Variants in ITFG1 observed in about 807,000 individuals in gnomAD.
ITFG1 encodes T-cell immunomodulatory protein.
A neutral mutation model predicts 81.8 loss-of-function variants in ITFG1; 34 were observed. The observed-to-expected ratio is 0.42, with a 90% CI of 0.32 to 0.55. ITFG1 has a LOEUF of 0.55. Among genes scored for constraint, ITFG1 ranks in the 20% least tolerant of loss-of-function variants. ITFG1 has a pLI of 0.17. For synonymous variants in ITFG1, 285 were observed against 270.6 expected (o/e 1.05, Z -0.52); for missense variants, 672 against 755.4 (o/e 0.89, Z 1.29).
intron 10 of ITFG1, among the ~76,000 whole-genome samples, chr16:47,299,294 G>C (rs1021538383): frequency 6.6e-6 from 1 of 152,210 alleles, no homozygotes; most frequent in Non-Finnish European, 1.5e-5. Context: ...GTGCAGGTGA[G>C]AGCCAGCTGC....
chr16:47,426,271 A>G (rs1274593905), intron 6 of ITFG1: 1 of 152,070 alleles, frequency 6.6e-6, no homozygotes, highest in Non-Finnish European at 1.5e-5. Context: ...CTTAAATGCA[A>G]AGTCAGTATT....
At chr16:47,382,524 C>A (rs148874996) in intron 6 of ITFG1, among the ~76,000 whole-genome samples, 124 of 152,144 alleles carry the variant, frequency 8.2e-4, no homozygotes, top group Middle Eastern at 6.8e-3. Flanking sequence ...CGGTACACAA[C>A]AAGTTACAGA....
intron 8 of ITFG1, among the ~76,000 whole-genome samples, chr16:47,316,888 A>G (rs1416861052): frequency 6.6e-6 from 1 of 152,214 alleles, no homozygotes; most frequent in Non-Finnish European, 1.5e-5. Flanking sequence ...GGGCATGCTG[A>G]TGGAGATGCT....
At chr16:47,416,100 CA>C (rs1303400211) in intron 6 of ITFG1, among the ~76,000 whole-genome samples, 11 of 151,868 alleles carry the variant, frequency 7.2e-5, no homozygotes, top group South Asian at 2.1e-4. Context: ...GTCTCAAAAA[CA>C]AAACAAAACA....
chr16:47,426,826 A>C (rs1301200744), intron 6 of ITFG1, among the ~76,000 whole-genome samples: 1 of 152,138 alleles, frequency 6.6e-6, no homozygotes, highest in East Asian at 1.9e-4. Context: ...TCTCAATGAA[A>C]ATTAGGTTTT....
At chr16:47,427,332 G>C (rs141182865) in intron 6 of ITFG1, among the ~76,000 whole-genome samples, 2 of 152,190 alleles carry the variant, frequency 1.3e-5, no homozygotes, top group African/African-American at 4.8e-5. Context: ...AAATATTCTT[G>C]ATATTCCCAC....
At chr16:47,263,051 T>G in intron 10 of ITFG1, 1 of 220,818 alleles carries the variant, frequency 4.5e-6, no homozygotes. Context: ...AGAATGGCTG[T>G]TGGCTCGGCA....
chr16:47,240,458 A>T (rs1965920949), intron 12 of ITFG1, among the ~76,000 whole-genome samples: 1 of 152,336 alleles, frequency 6.6e-6, no homozygotes, highest in South Asian at 2.1e-4. Flanking sequence ...ATAAAAAGAC[A>T]ACCCAGATGA....
At chr16:47,351,299 C>T (rs183381976) in intron 8 of ITFG1, among the ~76,000 whole-genome samples, 30 of 152,184 alleles carry the variant, frequency 2.0e-4, no homozygotes, top group East Asian at 1.4e-3. Context: ...CATGATTGTA[C>T]ATCTAGAAAA....
chr16:47,346,121 G>A (rs902252749), intron 8 of ITFG1, among the ~76,000 whole-genome samples: 3 of 152,152 alleles, frequency 2.0e-5, no homozygotes, highest in Admixed American at 6.5e-5. Context: ...AGTTGGTTTC[G>A]ATATCAGAGT....
At chr16:47,454,858 G>A (rs1969432577) in intron 2 of ITFG1, among the ~76,000 whole-genome samples, 1 of 152,032 alleles carries the variant, frequency 6.6e-6, no homozygotes, top group Admixed American at 6.5e-5. Flanking sequence ...GCAAAAATTA[G>A]GCCTTTAATT....
At chr16:47,345,333 C>T (rs1375943292) in intron 8 of ITFG1, among the ~76,000 whole-genome samples, 1 of 151,394 alleles carries the variant, frequency 6.6e-6, no homozygotes, top group Non-Finnish European at 1.5e-5. Context: ...CAGAGTCTCA[C>T]TCTGTCGCCC....
chr16:47,307,849 A>AT (rs2151562905), intron 10 of ITFG1, among the ~76,000 whole-genome samples: 1 of 152,136 alleles, frequency 6.6e-6, no homozygotes, highest in East Asian at 1.9e-4. Flanking sequence ...TTTTATGTCC[A>AT]TGAGTATGCA....
At chr16:47,396,329 G>C in intron 6 of ITFG1, 1 of 160,166 alleles carries the variant, frequency 6.2e-6, no homozygotes, top group Non-Finnish European at 1.3e-5. Flanking sequence ...GGGAGGGGAG[G>C]AGAAGAGCAG....
chr16:47,176,872 T>A (rs1464543745), intron 14 of ITFG1, among the ~76,000 whole-genome samples: 1 of 152,118 alleles, frequency 6.6e-6, no homozygotes, highest in Non-Finnish European at 1.5e-5. Context: ...AATTAACAAT[T>A]AAAAAATACA....
At chr16:47,194,211 C>T (rs1296579802) in intron 14 of ITFG1, among the ~76,000 whole-genome samples, 1 of 152,174 alleles carries the variant, frequency 6.6e-6, no homozygotes, top group Non-Finnish European at 1.5e-5. Context: ...CAAAGTGTTA[C>T]CTGATCAATT....
intron 14 of ITFG1, among the ~76,000 whole-genome samples, chr16:47,195,759 C>A (rs1302879322): frequency 1.3e-5 from 2 of 151,912 alleles, no homozygotes; most frequent in Admixed American, 6.6e-5. Context: ...TTCTAAAAAA[C>A]AAAACAAAAT....
chr16:47,162,178 T>A (rs1964817000), intron 15 of ITFG1, among the ~76,000 whole-genome samples: 2 of 151,940 alleles, frequency 1.3e-5, no homozygotes, highest in African/African-American at 4.8e-5. Flanking sequence ...AGTAAAATAA[T>A]ATGATTTTAC....
intron 10 of ITFG1, chr16:47,263,182 T>A: frequency 3.3e-6 from 1 of 302,460 alleles, no homozygotes; most frequent in South Asian, 4.2e-5. Context: ...ACATGATCTG[T>A]GGCTGGGATA....
Sources: allele counts gnomAD v4.1 joint callset (sites outside exome capture counted in the v4.1 genomes callset), GRCh38; gene constraint gnomAD v4.1.1; transcripts MANE v1.5; gene names NCBI Gene and HGNC (gene_info 2026-07-23, HGNC 2026-07-21).